Variants in C1orf50 observed in about 807,000 individuals in gnomAD.
C1orf50 encodes chromosome 1 open reading frame 50.
C1orf50 carries 22 observed loss-of-function variants against 23.3 expected under a neutral mutation model. That is an observed-to-expected ratio of 0.94 (90% CI 0.67 to 1.35). The LOEUF is 1.35. C1orf50 is among the 40% of genes most tolerant of loss of function. The probability of loss-of-function intolerance (pLI) is 0.00; values close to 1 mark genes in which losing one functional copy is unlikely to be tolerated. For synonymous variants in C1orf50, 96 were observed against 102.4 expected (o/e 0.94, Z 0.38); for missense variants, 271 against 249.4 (o/e 1.09, Z -0.58).
chr1:42,776,729 T>G lies in C1orf50; in HGVS notation c.*1335T>G, dbSNP rs1378790688. On this transcript the variant is annotated 3_prime_UTR_variant, in exon 5 of 5. Coordinates refer to ENST00000372525, the MANE Select transcript of C1orf50 (RefSeq NM_024097.4). ...TTTGGACTCAGCTGCAGAGGTCTTT[T>G]GCTCAGGTGCTGCAGAGCCGGATGG... 2 of 152,272 alleles carry G rather than the reference T, an allele frequency of 1.3e-5. No homozygotes were observed. The highest frequency in any genetic ancestry group is 3.8e-4 in the East Asian group (2 of 5,202). The allele number at this position is 152,272 out of a possible 1,614,324, so 9.4% of individuals were successfully genotyped here. A position where few individuals can be genotyped will look rare whatever the true frequency, so the allele number is the denominator to read the frequency against.
chr1:42,774,880 C>T lies in C1orf50; in HGVS notation c.414+12C>T, dbSNP rs1014249230. The T allele has an allele frequency of 6.3e-7, 1 of 1,598,484 alleles. No individual in the cohort carries two copies. Among genetic ancestry groups the T allele is most frequent in the Admixed American group, 1.7e-5 (1 of 59,598 alleles). ...TCATTTCTCCAAAGGTAAGAACATA[C>T]ATTGTTTGCCCAAAAATCTACTCCA... is the stretch of plus-strand genomic sequence containing the variant. On this transcript the variant is annotated intron_variant, in intron 4 of 4. Transcript: ENST00000372525.
rs1653386455 is a variant in C1orf50, at chr1:42,778,737, A to T, written c.*3343A>T. 1 of 152,284 alleles carries T rather than the reference A, an allele frequency of 6.6e-6. No homozygotes were observed. The highest frequency in any genetic ancestry group is 1.5e-5 in the Non-Finnish European group (1 of 68,064). The allele number at this position is 152,284 out of a possible 1,614,324, so 9.4% of individuals were successfully genotyped here. A position where few individuals can be genotyped will look rare whatever the true frequency, so the allele number is the denominator to read the frequency against. On this transcript the variant is annotated 3_prime_UTR_variant, in exon 5 of 5. Coordinates refer to ENST00000372525, the MANE Select transcript of C1orf50 (RefSeq NM_024097.4). ...AAAAAATAACATGGAAGGGACATTGACCAGAATTGACACGACATTTGGGGA... is the reference window on the plus strand; with the variant it reads ...AAAAAATAACATGGAAGGGACATTGTCCAGAATTGACACGACATTTGGGGA...
At chr1:42,768,349 T>G (rs1653134082) in intron 2 of C1orf50, among the ~76,000 whole-genome samples, 1 of 152,240 alleles carries the variant, frequency 6.6e-6, no homozygotes, top group Admixed American at 6.5e-5. Flanking sequence ...TTCTTATCTC[T>G]TATCAAGACT....
chr1:42,769,109 G>A (rs936774052), intron 2 of C1orf50, among the ~76,000 whole-genome samples: 1 of 151,956 alleles, frequency 6.6e-6, no homozygotes, highest in Admixed American at 6.6e-5. Context: ...ACTAAAAGGT[G>A]TGGTGACTCA....
At position 42,775,614 on chromosome 1, in the gene C1orf50, C is replaced by T; in HGVS notation, c.*220C>T. 1 of 434,406 alleles carries T rather than the reference C, an allele frequency of 2.3e-6. No individual in the cohort carries two copies. 26.9% of individuals were successfully genotyped at this position (434,406 alleles called of 1,614,324 possible). On this transcript the variant is annotated 3_prime_UTR_variant, in exon 5 of 5. Coordinates refer to ENST00000372525, the MANE Select transcript of C1orf50 (RefSeq NM_024097.4). ...CGGGATCCTCTTTGGACCACAGATA[C>T]CCAAGTCAGTCAGTTTCAGAGTATT... is the stretch of plus-strand genomic sequence containing the variant.
chr1:42,775,267 T>C lies in C1orf50; in HGVS notation c.473T>C (p.Leu158Ser). 3 of 1,610,574 alleles carry C rather than the reference T, an allele frequency of 1.9e-6. No homozygotes were observed. The highest frequency in any genetic ancestry group is 2.5e-6 in the Non-Finnish European group (3 of 1,177,052). The part of the protein sequence containing the change: ...FLGAYKLQHD[L>S]SWTPYEDIEK... Reference sequence around the variant, plus strand: ...GGTGCCTACAAACTACAGCATGACTTGTCCTGGACTCCGTATGAGGACATT... The same window carrying C: ...GGTGCCTACAAACTACAGCATGACTCGTCCTGGACTCCGTATGAGGACATT... The change falls in exon 5 of 5, where the codon TTG becomes TCG. Residue 158 changes from leucine to serine, a missense_variant. Transcript: ENST00000372525.
chr1:42,767,729 C>A, intron 2 of C1orf50, 105 bp downstream of exon 2: 2 of 1,010,996 alleles, frequency 2.0e-6, no homozygotes, highest in Admixed American at 2.6e-5. Context: ...GTGGCATTTG[C>A]TCTTGTCTCC....
chr1:42,770,529 T>C (rs943155117), intron 2 of C1orf50, among the ~76,000 whole-genome samples: 6 of 151,198 alleles, frequency 4.0e-5, no homozygotes, highest in Non-Finnish European at 8.8e-5. Context: ...GCCTACCGAG[T>C]TCAAGCAATT....
At position 42,777,513 on chromosome 1, in the gene C1orf50, A is replaced by C. The variant is rs929075634; in HGVS notation, c.*2119A>C. The stretch of plus-strand genomic sequence containing the variant: ...TATAACATGGCAGCTTTCTTAAGCA[A>C]AGTAAACAAGGATTAGAGTCTGCTA... On this transcript the variant is annotated 3_prime_UTR_variant, in exon 5 of 5. Coordinates refer to ENST00000372525, the MANE Select transcript of C1orf50 (RefSeq NM_024097.4). 2.0e-5 allele frequency: 3 copies of C among 152,244 alleles called. No homozygotes were observed. Among genetic ancestry groups the C allele is most frequent in the Non-Finnish European group, 4.4e-5 (3 of 68,050 alleles). 9.4% of individuals were successfully genotyped at this position (152,244 alleles called of 1,614,324 possible). A position where few individuals can be genotyped will look rare whatever the true frequency, so the allele number is the denominator to read the frequency against.
chr1:42,773,524 C>T (rs372555580), intron 2 of C1orf50, 39 bp from the exon 3 acceptor site: 15 of 1,230,680 alleles, frequency 1.2e-5, no homozygotes, highest in Non-Finnish European at 1.8e-5. Context: ...GAAGTCTTTT[C>T]CTCTTTCAAC....
rs1281285897 is a variant in C1orf50, at chr1:42,775,284, G to T, written c.490G>T (p.Glu164Ter). 6.8e-6 allele frequency: 11 copies of T among 1,613,336 alleles called. No homozygotes were observed. The highest frequency in any genetic ancestry group is 8.5e-6 in the Non-Finnish European group (10 of 1,179,292). Reference sequence around the variant, plus strand: ...GCATGACTTGTCCTGGACTCCGTATGAGGACATTGAGAAGCAAGATGCTAA... The same window carrying T: ...GCATGACTTGTCCTGGACTCCGTATTAGGACATTGAGAAGCAAGATGCTAA... Reference protein sequence around the residue: ...LQHDLSWTPYEDIEKQDAKIS... With the variant: ...LQHDLSWTPY Residue 164 changes from glutamate (E) to a stop codon, truncating the protein, a stop_gained, in exon 5 of 5, where the codon GAG (glutamate) becomes TAG (stop). Coordinates refer to ENST00000372525, the MANE Select transcript of C1orf50 (RefSeq NM_024097.4). LOFTEE classifies it high-confidence loss of function.
At chr1:42,773,305 T>C in intron 2 of C1orf50, 1 of 295,326 alleles carries the variant, frequency 3.4e-6, no homozygotes, top group East Asian at 7.8e-5. Context: ...CTGCAGTTCA[T>C]AGCGAAGGGG....
At position 42,775,905 on chromosome 1, in the gene C1orf50, C is replaced by T. The variant is rs1286618052; in HGVS notation, c.*511C>T. On this transcript the variant is annotated 3_prime_UTR_variant, in exon 5 of 5. Transcript: ENST00000372525. ...AGGGTGATTTAAAAAACAACAACAA[C>T]AACAAAAAAAAAAACACTTGGCTTG... 6.8e-6 allele frequency: 1 copy of T among 147,350 alleles called. No homozygotes were observed. The highest frequency in any genetic ancestry group is 1.5e-5 in the Non-Finnish European group (1 of 67,198). The allele number at this position is 147,350 out of a possible 1,614,324, so 9.1% of individuals were successfully genotyped here. A position where few individuals can be genotyped will look rare whatever the true frequency, so the allele number is the denominator to read the frequency against.
At chr1:42,774,006 A>G (rs1653280933) in intron 3 of C1orf50, among the ~76,000 whole-genome samples, 1 of 151,920 alleles carries the variant, frequency 6.6e-6, no homozygotes, top group Non-Finnish European at 1.5e-5. Context: ...TATTTTTAGT[A>G]GAGATGGGGT....
At position 42,776,761 on chromosome 1, in the gene C1orf50, CAT is replaced by C. The variant is rs1653349404; in HGVS notation, c.*1368_*1369del. ...GTGCTGCAGAGCCGGATGGAAGAGA[CAT>C]TAGTGGTAGAGTAGTGGATTCTGAC... On this transcript the variant is annotated 3_prime_UTR_variant, in exon 5 of 5. Transcript: ENST00000372525. 1 of 152,230 alleles carries C rather than the reference CAT, an allele frequency of 6.6e-6. No homozygotes were observed. The highest frequency in any genetic ancestry group is 1.5e-5 in the Non-Finnish European group (1 of 68,058). 9.4% of individuals were successfully genotyped at this position (152,230 alleles called of 1,614,324 possible).
intron 4 of C1orf50, 126 bp downstream of exon 4, chr1:42,774,994 C>G: frequency 8.2e-7 from 1 of 1,214,054 alleles, no homozygotes. Flanking sequence ...GATGTGAGCC[C>G]AGACATGACT....
Position 42,767,323 on chromosome 1 carries a change from C to A in C1orf50, c.12C>A (p.Ala4=). ...GATAAGGCGCTGTCATGGAGGACGC[C>A]GCCGCGCCGGGGCGGACCGAGGGGG... MED[A]AAPGRTEGVL... Residue 4 remains alanine (A), a synonymous_variant, in exon 1 of 5, where the codon GCC becomes GCA. Transcript: ENST00000372525. 1.3e-6 allele frequency: 2 copies of A among 1,517,180 alleles called. No individual in the cohort carries two copies. The highest frequency in any genetic ancestry group is 8.8e-7 in the Non-Finnish European group (1 of 1,138,096). The allele number at this position is 1,517,180 out of a possible 1,614,324, so 94.0% of individuals were successfully genotyped here.
intron 2 of C1orf50, chr1:42,769,842 C>T (rs1202809594): frequency 6.8e-6 from 1 of 147,710 alleles, no homozygotes; most frequent in Non-Finnish European, 1.5e-5. Flanking sequence ...GACTCCGTCT[C>T]AAAAAAAAAA....
chr1:42,775,169 A>G, intron 4 of C1orf50, 40 bp from the exon 5 acceptor site: 1 of 1,551,106 alleles, frequency 6.4e-7, no homozygotes, highest in Non-Finnish European at 8.8e-7. Context: ...GTTTGTTTAC[A>G]ACCCACGCTG....
Sources: allele counts gnomAD v4.1 joint callset (sites outside exome capture counted in the v4.1 genomes callset), GRCh38; gene constraint gnomAD v4.1.1; transcripts MANE v1.5; gene names NCBI Gene and HGNC (gene_info 2026-07-23, HGNC 2026-07-21).